Variants in LSMEM2 observed in about 807,000 individuals in gnomAD.
The protein encoded by LSMEM2 is leucine-rich single-pass membrane protein 2.
Under a neutral mutation model 17.3 loss-of-function variants are expected in LSMEM2, and 20 were observed. The ratio of observed to expected loss-of-function variants is 1.16; its 90% CI spans 0.81 to 1.68. The LOEUF is 1.68. LSMEM2 is among the 40% of genes most tolerant of loss of function. LSMEM2 has a pLI of 0.00. For missense variants in LSMEM2, 207 were observed against 214.3 expected, an observed-to-expected ratio of 0.97 and a Z score of 0.21; for synonymous variants, 94 against 97.8, an observed-to-expected ratio of 0.96 and a Z score of 0.23.
chr3:50,282,492 C>CT (rs1553707888), intron 1 of LSMEM2, among the ~76,000 whole-genome samples: 1 of 152,256 alleles, frequency 6.6e-6, no homozygotes, highest in Non-Finnish European at 1.5e-5. Flanking sequence ...CCTCAATGCT[C>CT]TTCCCTACTG....
intron 1 of LSMEM2, among the ~76,000 whole-genome samples, chr3:50,284,310 AAT>A (rs1327590323): frequency 3.7e-4 from 57 of 152,128 alleles, no homozygotes; most frequent in Admixed American, 3.7e-3. Flanking sequence ...CAAGTTAGCA[AAT>A]ATATGTGTGC....
chr3:50,280,104 A>C (rs1371212443), intron 1 of LSMEM2, among the ~76,000 whole-genome samples: 1 of 148,958 alleles, frequency 6.7e-6, no homozygotes, highest in Non-Finnish European at 1.5e-5. Context: ...TGAACTCCTG[A>C]CCTCGTAAGC....
At chr3:50,287,043 G>C in intron 3 of LSMEM2, 26 bp from the exon 4 acceptor site, 1 of 1,613,172 alleles carries the variant, frequency 6.2e-7, no homozygotes, top group Middle Eastern at 1.7e-4. Flanking sequence ...CACATGGTCT[G>C]ATGATCCCCC....
At chr3:50,284,451 C>T (rs1175959145) in intron 1 of LSMEM2, among the ~76,000 whole-genome samples, 14 of 151,510 alleles carry the variant, frequency 9.2e-5, no homozygotes, top group African/African-American at 2.9e-4. Flanking sequence ...AAAATCAGGC[C>T]GGGCATGGTG....
chr3:50,286,341 GT>G, intron 1 of LSMEM2, 129 bp from the exon 2 acceptor site: 1 of 1,368,094 alleles, frequency 7.3e-7, no homozygotes, highest in Non-Finnish European at 9.7e-7. Context: ...TCCTGAGTCA[GT>G]TTTAGGGGAT....
At chr3:50,280,177 CTT>C (rs10656924) in intron 1 of LSMEM2, among the ~76,000 whole-genome samples, 3 of 117,666 alleles carry the variant, frequency 2.5e-5, no homozygotes, top group Non-Finnish European at 5.0e-5. Context: ...CTGGCCTCAA[CTT>C]TTTTTTTTTT....
intron 1 of LSMEM2, among the ~76,000 whole-genome samples, chr3:50,282,234 C>T (rs897535479): frequency 6.6e-6 from 1 of 151,942 alleles, no homozygotes; most frequent in African/African-American, 2.4e-5. Flanking sequence ...AATGATCCTC[C>T]TGCCTTGGCC....
Position 50,286,699 on chromosome 3 carries a change from T to C in LSMEM2, c.198T>C (p.Thr66=). 2 of 1,614,082 alleles carry C rather than the reference T, an allele frequency of 1.2e-6. No homozygotes were observed. Among genetic ancestry groups the C allele is most frequent in the African/African-American group, 1.3e-5 (1 of 75,052 alleles). ...SGAGTLRPYL[T]EEARPWDELL... is the part of the protein sequence containing the mutation. Reference sequence around the variant, plus strand: ...CAGGCACACTGCGCCCCTATCTAACTGAAGAGGCACGACCGTGGGATGAGC... The same window carrying C: ...CAGGCACACTGCGCCCCTATCTAACCGAAGAGGCACGACCGTGGGATGAGC... The change falls in exon 3 of 4, where the codon ACT becomes ACC. Residue 66 remains threonine, a synonymous_variant. Coordinates refer to ENST00000316436, the MANE Select transcript of LSMEM2 (RefSeq NM_153215.3).
chr3:50,283,971 C>T (rs1253400649), intron 1 of LSMEM2, among the ~76,000 whole-genome samples: 2 of 152,054 alleles, frequency 1.3e-5, no homozygotes, highest in Non-Finnish European at 2.9e-5. Context: ...TTTGGGAGGC[C>T]AAGGCGGGTG....
In LSMEM2 at chr3:50,288,063, G is replaced by T; in HGVS notation, c.*861G>T. 1 of 859,378 alleles carries T rather than the reference G, an allele frequency of 1.2e-6. No individual in the cohort carries two copies. The highest frequency in any genetic ancestry group is 1.9e-6 in the Non-Finnish European group (1 of 537,814). The allele number at this position is 859,378 out of a possible 1,614,324, so 53.2% of individuals were successfully genotyped here. Reference sequence around the variant, plus strand: ...CCGGGCCCCCAGCTACCCACCCCATGTCTGTTTTTGGTTTTGTCATTAAAA... The same window carrying T: ...CCGGGCCCCCAGCTACCCACCCCATTTCTGTTTTTGGTTTTGTCATTAAAA... On this transcript the variant is annotated 3_prime_UTR_variant, in exon 4 of 4. Coordinates refer to ENST00000316436, the MANE Select transcript of LSMEM2 (RefSeq NM_153215.3).
upstream of LSMEM2, among the ~76,000 whole-genome samples, chr3:50,277,953 C>G (rs1413271999): frequency 6.6e-6 from 1 of 152,120 alleles, no homozygotes; most frequent in Non-Finnish European, 1.5e-5. Flanking sequence ...GGCAACAGAG[C>G]GAGACTCTGT....
In LSMEM2 at chr3:50,286,720, T is replaced by C; in HGVS notation, c.219T>C (p.Asp73=). Residue 73 remains aspartate (D), a synonymous_variant, in exon 3 of 4, where the codon GAT becomes GAC. Transcript: ENST00000316436. ...PYLTEEARPW[D]ELLGVLPPSL... ...TAACTGAAGAGGCACGACCGTGGGA[T>C]GAGCTGCTGGGCGTTTTGCCGCCGT... The C allele has an allele frequency of 6.2e-7, 1 of 1,613,388 alleles. No homozygotes were observed. Among genetic ancestry groups the C allele is most frequent in the East Asian group, 2.2e-5 (1 of 44,884 alleles).
Position 50,286,826 on chromosome 3 carries a change from TGCCTA to T in LSMEM2, c.327_331del (p.Leu110AlafsTer14). On this transcript the variant is annotated frameshift_variant, in exon 3 of 4. Transcript: ENST00000316436. LOFTEE classifies it high-confidence loss of function. ...GCTGCTCGCGCTGCTGGTGCTCACT[TGCCTA>T]GTGCTCGCACTCCTGGCTGTCTACC... is the stretch of plus-strand genomic sequence containing the variant. 1 of 1,614,004 alleles carries T rather than the reference TGCCTA, an allele frequency of 6.2e-7. No homozygotes were observed. The highest frequency in any genetic ancestry group is 8.5e-7 in the Non-Finnish European group (1 of 1,180,038).
In LSMEM2 at chr3:50,287,692, G is replaced by A. The variant is rs985000932; in HGVS notation, c.*490G>A. ...GAAGACCAGTTGGGCCCAAGCCTGG[G>A]ATAGTAGATGGGGAGGGAGAACAGA... On this transcript the variant is annotated 3_prime_UTR_variant, in exon 4 of 4. Transcript: ENST00000316436. 2.3e-5 allele frequency: 5 copies of A among 215,110 alleles called. No homozygotes were observed. Among genetic ancestry groups the A allele is most frequent in the East Asian group, 1.1e-4 (1 of 8,890 alleles). The allele number at this position is 215,110 out of a possible 1,614,324, so 13.3% of individuals were successfully genotyped here.
upstream of LSMEM2, chr3:50,279,058 G>A: frequency 6.3e-7 from 1 of 1,591,452 alleles, no homozygotes; most frequent in Non-Finnish European, 8.6e-7. Flanking sequence ...AGGCAGCCAG[G>A]CCTTCCCTGG....
At chr3:50,284,182 G>A (rs1366326507) in intron 1 of LSMEM2, among the ~76,000 whole-genome samples, 1 of 143,836 alleles carries the variant, frequency 7.0e-6, no homozygotes, top group African/African-American at 2.6e-5. Context: ...CTCCAGCCTG[G>A]GCAACACAGC....
intron 1 of LSMEM2, 51 bp downstream of exon 1, chr3:50,279,222 G>A (rs1559795161): frequency 6.4e-7 from 1 of 1,568,536 alleles, no homozygotes; most frequent in Non-Finnish European, 8.8e-7. Context: ...CTGTGACCTT[G>A]TGGACCATGG....
upstream of LSMEM2, among the ~76,000 whole-genome samples, chr3:50,278,454 C>T (rs1206268543): frequency 6.6e-6 from 1 of 152,184 alleles, no homozygotes; most frequent in African/African-American, 2.4e-5. Flanking sequence ...ACTGTTATTC[C>T]GACTTTACAC....
rs587700393 is a variant in LSMEM2, at chr3:50,285,799, G to A, written c.59-672G>A. Among the ~76,000 whole-genome samples, 151 of 152,266 alleles carry A rather than the reference G, an allele frequency of 9.9e-4. 1 individual carries two copies. The Middle Eastern group carries it at 0.02, about 21-fold the overall frequency. On this transcript the variant is annotated intron_variant, in intron 1 of 3. Transcript: ENST00000316436. Reference sequence around the variant, plus strand: ...AACTGCAGCGGTGAGCCAAGATCGCGCCATTGCGCTCCAGCCTGGGCAACA... The same window carrying A: ...AACTGCAGCGGTGAGCCAAGATCGCACCATTGCGCTCCAGCCTGGGCAACA...
Sources: allele counts gnomAD v4.1 joint callset (sites outside exome capture counted in the v4.1 genomes callset), GRCh38; gene constraint gnomAD v4.1.1; transcripts MANE v1.5; gene names NCBI Gene and HGNC (gene_info 2026-07-23, HGNC 2026-07-21).